The following ZNF746 variants were observed in gnomAD, a reference collection of about 807,000 sequenced individuals.
ZNF746 encodes the protein parkin-interacting substrate.
In ZNF746, 13 loss-of-function variants were observed where a neutral mutation model predicts 41.0. The observed-to-expected ratio is 0.32, with a 90% CI of 0.21 to 0.50. The LOEUF (loss-of-function observed/expected upper bound fraction) is 0.50, where lower values mean the gene tolerates loss of function less well. ZNF746 is among the 20% of genes least tolerant of loss of function. ZNF746 has a pLI of 0.98. For synonymous variants in ZNF746, 424 were observed against 396.2 expected (o/e 1.07, Z -0.83); for missense variants, 811 against 922.9 (o/e 0.88, Z 1.57).
chr7:149,477,754 GC>G lies in ZNF746; in HGVS notation c.566del (p.Gly189AlafsTer12). 6.2e-7 allele frequency: 1 copy of G among 1,601,912 alleles called. No homozygotes were observed. The highest frequency in any genetic ancestry group is 1.1e-5 in the South Asian group (1 of 90,334). ...IPDVPVDPSP[G>X]SGPPVPAPDL... ...CTGGGGCGGGAACTGGGGGCCCCGA[GC>G]CTAGGAAAGGGAGTGAGTGTGAGGA... On this transcript the variant is annotated frameshift_variant and splice_region_variant, in exon 5 of 7. Transcript: ENST00000458143. LOFTEE classifies it high-confidence loss of function.
At chr7:149,481,362 T>G (rs1165360705) in intron 4 of ZNF746, among the ~76,000 whole-genome samples, 1 of 152,248 alleles carries the variant, frequency 6.6e-6, no homozygotes, top group Non-Finnish European at 1.5e-5. Context: ...TCCTGTATAC[T>G]TTAAATCACC....
intron 4 of ZNF746, chr7:149,491,620 T>C (rs899883523): frequency 6.9e-5 from 34 of 490,050 alleles, no homozygotes; most frequent in African/African-American, 1.5e-4. Context: ...GCCCGGAACA[T>C]GCTTCTGCCC....
At position 149,474,416 on chromosome 7, in the gene ZNF746, C is replaced by G; in HGVS notation, c.1951G>C (p.Val651Leu). 1 of 1,610,264 alleles carries G rather than the reference C, an allele frequency of 6.2e-7. No homozygotes were observed. Among genetic ancestry groups the G allele is most frequent in the Non-Finnish European group, 8.5e-7 (1 of 1,178,512 alleles). ...TCCCCGCCATCGGTGGGTCCCAGGA[C>G]GCTGAGGCCACAAGTCCAGTCGGTC... ...LVTDWTCGLS[V>L]LGPTDGGDM Residue 651 changes from valine (V) to leucine (L), a missense_variant, in exon 7 of 7, where the codon GTC becomes CTC. Val to Leu is a conservative substitution (Grantham distance 32, BLOSUM62 1). Around this residue, in one of 4 missense-constraint regions of ZNF746, gnomAD observed 99 missense variants for 80.3 expected, o/e 1.23. Coordinates refer to ENST00000458143, the MANE Select transcript of ZNF746 (RefSeq NM_001394198.1). The surrounding 1 kb of genome is among the most constrained non-coding windows in gnomAD (Gnocchi z 6.3).
chr7:149,483,441 T>A (rs932256329), intron 4 of ZNF746, among the ~76,000 whole-genome samples: 3 of 152,002 alleles, frequency 2.0e-5, no homozygotes, highest in Non-Finnish European at 4.4e-5. Flanking sequence ...ACCCCATCCC[T>A]ACTAAAAATA....
Position 149,494,252 on chromosome 7 carries a change from G to A in ZNF746, c.276C>T (p.Asn92=), listed in dbSNP as rs1371634065. The change falls in exon 2 of 7, where the codon AAC becomes AAT. Residue 92 remains asparagine (N), a synonymous_variant. Transcript: ENST00000458143. This position sits in a 1 kb window ranked among gnomAD's most constrained non-coding sequence, Gnocchi z 5.6. ...CCGGGGGCAGCCGCAGGATCCAGAA[G>A]TTCCTGTTGCGCAGCAGGTTCTCCA... ...ENVENLLRNR[N]FWILRLPPGS... 10 of 1,614,018 alleles carry A rather than the reference G, an allele frequency of 6.2e-6. No individual in the cohort carries two copies. Among genetic ancestry groups the A allele is most frequent in the Non-Finnish European group, 7.6e-6 (9 of 1,180,030 alleles).
chr7:149,491,218 T>C (rs538739191), intron 4 of ZNF746: 2 of 152,510 alleles, frequency 1.3e-5, no homozygotes, highest in Admixed American at 6.5e-5. Context: ...ACAGTGGAGT[T>C]TGTGTCTACT....
intron 4 of ZNF746, chr7:149,488,375 A>T (rs904066994): frequency 6.6e-6 from 1 of 152,234 alleles, no homozygotes; most frequent in East Asian, 1.9e-4. Flanking sequence ...ACAGATCATA[A>T]AGGAAAAGAC....
At chr7:149,493,237 A>G (rs960080720) in intron 3 of ZNF746, among the ~76,000 whole-genome samples, 6 of 152,168 alleles carry the variant, frequency 3.9e-5, no homozygotes, top group Non-Finnish European at 8.8e-5. Flanking sequence ...CCTACAATGC[A>G]GAGGATGCCG....
At position 149,497,593 on chromosome 7, in the gene ZNF746, G is replaced by A. The variant is rs1801054953; in HGVS notation, c.-57C>T. Reference sequence around the variant, plus strand: ...AGTCGTCGTCGCCGCCGCCGCGCGCGGCACCACGCAGGCCCGGCCGCCCGG... The same window carrying A: ...AGTCGTCGTCGCCGCCGCCGCGCGCAGCACCACGCAGGCCCGGCCGCCCGG... On this transcript the variant is annotated 5_prime_UTR_variant, in exon 1 of 7. Transcript: ENST00000458143. The surrounding 1 kb of genome is among the most constrained non-coding windows in gnomAD (Gnocchi z 4.2). 2 of 1,036,046 alleles carry A rather than the reference G, an allele frequency of 1.9e-6. No homozygotes were observed. The highest frequency in any genetic ancestry group is 1.7e-5 in the African/African-American group (1 of 57,882). The allele number at this position is 1,036,046 out of a possible 1,614,324, so 64.2% of individuals were successfully genotyped here.
rs141591608 is a variant in ZNF746, at chr7:149,487,773, C to T, written c.565+5086G>A. The T allele has an allele frequency of 3.7e-4, 57 of 152,140 alleles. No homozygotes were observed. The East Asian group carries it at 7.9e-3, about 21-fold the overall frequency. The allele number at this position is 152,140 out of a possible 1,614,324, so 9.4% of individuals were successfully genotyped here. A position where few individuals can be genotyped will look rare whatever the true frequency, so the allele number is the denominator to read the frequency against. ...AAAATCTTATTCAAGCACATAGAAGCCTTCAATAAATGAGTGTTCCAATGA... is the reference window on the plus strand; with the variant it reads ...AAAATCTTATTCAAGCACATAGAAGTCTTCAATAAATGAGTGTTCCAATGA... On this transcript the variant is annotated intron_variant, in intron 4 of 6. Transcript: ENST00000458143.
rs1386267332 is a variant in ZNF746, at chr7:149,497,208, CAGA to C, written c.24+302_24+304del. The C allele has an allele frequency of 1.3e-5, 13 of 984,530 alleles. No homozygotes were observed. Among genetic ancestry groups the C allele is most frequent in the Non-Finnish European group, 1.6e-5 (13 of 829,334 alleles). The allele number at this position is 984,530 out of a possible 1,614,324, so 61.0% of individuals were successfully genotyped here. ...AAGGAGCCGCGGGTGGGGGGGCACC[CAGA>C]AGGAGGGGACAGCGGCTGGGGCGGG... is the stretch of plus-strand genomic sequence containing the variant. On this transcript the variant is annotated intron_variant, in intron 1 of 6. Coordinates refer to ENST00000458143, the MANE Select transcript of ZNF746 (RefSeq NM_001394198.1). The surrounding 1 kb of genome is among the most constrained non-coding windows in gnomAD (Gnocchi z 4.2).
intron 1 of ZNF746, chr7:149,496,932 C>T: frequency 1.0e-6 from 1 of 985,316 alleles, no homozygotes; most frequent in Non-Finnish European, 1.2e-6. Flanking sequence ...CTCTAGGCCC[C>T]GGGTTTTTCT....
chr7:149,479,590 A>AG (rs1800425199), intron 4 of ZNF746, among the ~76,000 whole-genome samples: 2 of 152,282 alleles, frequency 1.3e-5, no homozygotes, highest in South Asian at 4.1e-4. Context: ...GGATAACACT[A>AG]GAAAATATAA....
rs1404081328 is a variant in ZNF746, at chr7:149,497,526, G to T, written c.11C>A (p.Ala4Glu). The change falls in exon 1 of 7, where the codon GCG (alanine) becomes GAG (glutamate). Residue 4 changes from alanine (A) to glutamate (E), a missense_variant. By Grantham distance (107) the Ala-to-Glu change is moderately radical (BLOSUM62 -1). Coordinates refer to ENST00000458143, the MANE Select transcript of ZNF746 (RefSeq NM_001394198.1). The surrounding 1 kb of genome is among the most constrained non-coding windows in gnomAD (Gnocchi z 4.2). ...GGTCGCCCTTACCGGAGCCGCGACC[G>T]CCTCGGCCATGGCCCTGCGCTGTCC... Reference protein sequence around the residue: MAEAVAAPISPWTM... With the variant: MAEEVAAPISPWTM... 2 of 1,099,908 alleles carry T rather than the reference G, an allele frequency of 1.8e-6. No individual in the cohort carries two copies. The highest frequency in any genetic ancestry group is 6.7e-5 in the East Asian group (1 of 14,924). The allele number at this position is 1,099,908 out of a possible 1,614,324, so 68.1% of individuals were successfully genotyped here. A position where few individuals can be genotyped will look rare whatever the true frequency, so the allele number is the denominator to read the frequency against.
chr7:149,474,553 G>C lies in ZNF746; in HGVS notation c.1814C>G (p.Ala605Gly). The change falls in exon 7 of 7, where the codon GCA becomes GGA. Residue 605 changes from alanine to glycine, a missense_variant. This residue lies in a region of ZNF746 where 99 missense variants were observed against 80.3 expected (regional missense o/e 1.23). Coordinates refer to ENST00000458143, the MANE Select transcript of ZNF746 (RefSeq NM_001394198.1). The surrounding 1 kb of genome is among the most constrained non-coding windows in gnomAD (Gnocchi z 6.3). ...DHLRKHQRNH[A>G]AGAKTPARGQ... Reference sequence around the variant, plus strand: ...TCGGGCCGGGGTCTTGGCGCCCGCTGCATGGTTGCGCTGGTGCTTGCGGAG... The same window carrying C: ...TCGGGCCGGGGTCTTGGCGCCCGCTCCATGGTTGCGCTGGTGCTTGCGGAG... 1.9e-6 allele frequency: 3 copies of C among 1,609,626 alleles called. No homozygotes were observed. In the African/African-American group the frequency reaches 4.0e-5, roughly 21 times the overall value.
Position 149,475,081 on chromosome 7 carries a change from T to C in ZNF746, c.1286A>G (p.Asp429Gly), listed in dbSNP as rs1585718324. The stretch of plus-strand genomic sequence containing the variant: ...GAATGGCCTTGGGGCCTGGCTGGGG[T>C]CCAAGATGGCCTCTCCGTTGTCCGG... ...SSPDNGEAIL[D>G]PSQAPRPFNE... The change falls in exon 7 of 7, where the codon GAC (aspartate) becomes GGC (glycine). Residue 429 changes from aspartate to glycine, a missense_variant. Asp to Gly is a moderately conservative substitution (Grantham distance 94, BLOSUM62 -1). Transcript: ENST00000458143. 6.3e-7 allele frequency: 1 copy of C among 1,598,448 alleles called. No individual in the cohort carries two copies. The highest frequency in any genetic ancestry group is 1.3e-5 in the African/African-American group (1 of 74,628).
chr7:149,491,878 T>G, intron 4 of ZNF746: 1 of 701,176 alleles, frequency 1.4e-6, no homozygotes, highest in Non-Finnish European at 2.6e-6. Context: ...ATTTGGTTTT[T>G]CTCCTGTGTC....
intron 3 of ZNF746, among the ~76,000 whole-genome samples, chr7:149,493,582 T>C (rs1800884413): frequency 6.6e-6 from 1 of 152,198 alleles, no homozygotes; most frequent in Non-Finnish European, 1.5e-5. Context: ...CTGCCCATGT[T>C]CTCCACTGAC....
rs757028391 is a variant in ZNF746 at position 149,475,335 on chromosome 7, G to A, written c.1032C>T (p.Ala344=). ...GGAAGGAGCTGCCCTGGCTTTCCCA[G>A]GCTCCTTCCTGGGCAGGACTAGGGA... ...RFFPSPAQEG[A]WESQGSSFPS... is the part of the protein sequence containing the mutation. Residue 344 remains alanine, a synonymous_variant, in exon 7 of 7, where the codon GCC becomes GCT. Coordinates refer to ENST00000458143, the MANE Select transcript of ZNF746 (RefSeq NM_001394198.1). 10 of 1,614,074 alleles carry A rather than the reference G, an allele frequency of 6.2e-6. No individual in the cohort carries two copies. Among genetic ancestry groups the A allele is most frequent in the Non-Finnish European group, 8.5e-6 (10 of 1,180,008 alleles).
Sources: allele counts gnomAD v4.1 joint callset (sites outside exome capture counted in the v4.1 genomes callset), GRCh38; gene constraint gnomAD v4.1.1; regional missense constraint gnomAD v4.1.1; non-coding constraint Gnocchi (gnomAD v3.1); transcripts MANE v1.5; gene names NCBI Gene and HGNC (gene_info 2026-07-23, HGNC 2026-07-21).